The following DPRX variants were observed in gnomAD, a reference collection of about 807,000 sequenced individuals.
DPRX encodes the protein divergent-paired related homeobox.
Under a neutral mutation model 8.4 loss-of-function variants are expected in DPRX, and 11 were observed. That is an observed-to-expected ratio of 1.31 (90% CI 0.82 to 2.17). The LOEUF (loss-of-function observed/expected upper bound fraction) is 2.17, where lower values mean the gene tolerates loss of function less well. Ranked by LOEUF, DPRX falls within the 30% of genes most tolerant of loss-of-function variation. The pLI, the probability that DPRX is intolerant of heterozygous loss-of-function variation, is 0.00. For synonymous variants in DPRX, 72 were observed against 87.0 expected (o/e 0.83, Z 0.96); for missense variants, 211 against 236.7 (o/e 0.89, Z 0.71).
At chr19:53,610,941 C>T in the DPRX span, among the ~76,000 whole-genome samples, 629 of 152,246 alleles carry the variant, frequency 4.1e-3, 6 homozygotes, top group African/African-American at 0.014. Context: ...CTCGCTCTGT[C>T]TCCCAGGCTG....
At chr19:53,613,674 A>T in the DPRX span, among the ~76,000 whole-genome samples, 1 of 151,388 alleles carries the variant, frequency 6.6e-6, no homozygotes, top group African/African-American at 2.4e-5. Flanking sequence ...GTGAGATCTG[A>T]TAAGAAGTCA....
chr19:53,625,551 G>A, the DPRX span, among the ~76,000 whole-genome samples: 7 of 152,008 alleles, frequency 4.6e-5, no homozygotes, highest in Non-Finnish European at 1.0e-4. Flanking sequence ...CTCTCTTCCT[G>A]GTTGCTCAGG....
At chr19:53,610,986 T>G in the DPRX span, among the ~76,000 whole-genome samples, 3 of 151,924 alleles carry the variant, frequency 2.0e-5, no homozygotes, top group Non-Finnish European at 2.9e-5. Flanking sequence ...CAATGAAACC[T>G]CCGCCTCCCA....
exon 3 of DPRX, chr19:53,636,701 A>T: frequency 6.2e-7 from 1 of 1,614,130 alleles, no homozygotes; most frequent in Non-Finnish European, 8.5e-7. Context: ...TGGGGTCTCC[A>T]CCAGTGTCGG....
intron 2 of DPRX, among the ~76,000 whole-genome samples, chr19:53,635,785 G>A (rs370516204): frequency 3.3e-5 from 5 of 152,016 alleles, no homozygotes; most frequent in East Asian, 3.9e-4. Context: ...ATTTTAAAAC[G>A]TAAAGCCTAT....
the DPRX span, among the ~76,000 whole-genome samples, chr19:53,607,880 A>T: frequency 6.6e-6 from 1 of 151,138 alleles, no homozygotes; most frequent in Non-Finnish European, 1.5e-5. Context: ...AAATTTGAAA[A>T]TAAAAAAACA....
the DPRX span, chr19:53,616,739 A>T: frequency 7.4e-7 from 1 of 1,344,106 alleles, no homozygotes; most frequent in Non-Finnish European, 1.0e-6. Flanking sequence ...GGGCAACAAG[A>T]GCGAAACTCT....
chr19:53,614,035 C>G, the DPRX span, among the ~76,000 whole-genome samples: 17 of 151,634 alleles, frequency 1.1e-4, no homozygotes, highest in Non-Finnish European at 2.4e-4. Context: ...CACTGCAAAC[C>G]CTGCCTCCTG....
the DPRX span, among the ~76,000 whole-genome samples, chr19:53,622,522 T>C: frequency 5.9e-5 from 9 of 152,098 alleles, no homozygotes; most frequent in African/African-American, 2.2e-4. Context: ...TACTGTACTT[T>C]TACAGGGCTG....
the DPRX span, among the ~76,000 whole-genome samples, chr19:53,605,377 ATTT>A: frequency 1.4e-5 from 2 of 138,074 alleles, no homozygotes; most frequent in Non-Finnish European, 1.6e-5. Flanking sequence ...CACCCAGCTA[ATTT>A]TTTTTTTTTT....
chr19:53,620,359 G>A, the DPRX span, among the ~76,000 whole-genome samples: 25 of 143,600 alleles, frequency 1.7e-4, no homozygotes, highest in South Asian at 9.1e-4. Flanking sequence ...GTGAGCCACC[G>A]TACCCGGCCT....
chr19:53,609,985 AAAAAAT>A, the DPRX span, among the ~76,000 whole-genome samples: 131 of 144,234 alleles, frequency 9.1e-4, 2 homozygotes, highest in African/African-American at 3.2e-3. Context: ...ACTCCATCTC[AAAAAAT>A]AAAAATAAAA....
chr19:53,620,014 A>G, the DPRX span, among the ~76,000 whole-genome samples: 1 of 152,174 alleles, frequency 6.6e-6, no homozygotes, highest in Middle Eastern at 3.4e-3. Flanking sequence ...TTCTGTGCCA[A>G]ATTTCATCCC....
the DPRX span, among the ~76,000 whole-genome samples, chr19:53,626,746 T>G: frequency 6.6e-6 from 1 of 152,206 alleles, no homozygotes; most frequent in Non-Finnish European, 1.5e-5. Flanking sequence ...TCTCCCAGGC[T>G]GGGGTGCAGT....
the DPRX span, among the ~76,000 whole-genome samples, chr19:53,610,151 CAAAA>C: frequency 1.0e-4 from 8 of 77,704 alleles, 1 homozygote; most frequent in Non-Finnish European, 1.7e-4. Flanking sequence ...AACTGTGTCT[CAAAA>C]AAAAAAAAAA....
At chr19:53,607,358 G>C in the DPRX span, among the ~76,000 whole-genome samples, 1 of 152,084 alleles carries the variant, frequency 6.6e-6, no homozygotes, top group Non-Finnish European at 1.5e-5. Flanking sequence ...CAGAGGTTGA[G>C]ACCAGCCTGG....
the DPRX span, among the ~76,000 whole-genome samples, chr19:53,602,820 C>T: frequency 6.6e-6 from 1 of 150,838 alleles, no homozygotes; most frequent in Non-Finnish European, 1.5e-5. Context: ...GGATTACAGG[C>T]GTGAGCCACT....
intron 2 of DPRX, 148 bp from the exon 3 acceptor site, chr19:53,636,448 A>T (rs2091112691): frequency 1.9e-6 from 1 of 514,376 alleles, no homozygotes; most frequent in African/African-American, 3.6e-5. Context: ...AAAAAAAAAG[A>T]AAAGTTAAAA....
the DPRX span, chr19:53,601,173 T>C: frequency 1.6e-5 from 7 of 445,646 alleles, no homozygotes; most frequent in East Asian, 4.2e-4. Flanking sequence ...CACCCCACAC[T>C]GTTAGCCTGA....
Sources: gnomAD v4.1 joint callset for allele counts (sites outside exome capture counted in the v4.1 genomes callset) on GRCh38, gnomAD v4.1.1 for gene constraint, MANE v1.5 for transcripts, NCBI Gene and HGNC (gene_info 2026-07-23, HGNC 2026-07-21) for gene names.